The following WIF1 variants were observed in gnomAD, a reference collection of about 807,000 sequenced individuals.
WIF1 encodes Wnt inhibitory factor 1.
Under a neutral mutation model 53.5 loss-of-function variants are expected in WIF1, and 35 were observed. The ratio of observed to expected loss-of-function variants is 0.65; its 90% confidence interval spans 0.50 to 0.87. The LOEUF is 0.87. Among genes scored for constraint, WIF1 ranks in the 40% least tolerant of loss-of-function variants. The pLI is 0.00. For synonymous variants in WIF1, 171 were observed against 170.4 expected (o/e 1.00, Z -0.03); for missense variants, 467 against 476.8 (o/e 0.98, Z 0.19).
chr12:65,056,272 T>G, intron 7 of WIF1, 146 bp from the exon 8 acceptor site: 1 of 637,698 alleles, frequency 1.6e-6, no homozygotes, highest in East Asian at 2.9e-5. Flanking sequence ...TCTGGCTTTT[T>G]TTTTTTGAGT....
chr12:65,082,242 A>G (rs186396150), intron 2 of WIF1, among the ~76,000 whole-genome samples: 1 of 152,300 alleles, frequency 6.6e-6, no homozygotes, highest in East Asian at 1.9e-4. Context: ...TATGCCAAAG[A>G]GAACAGAGAA....
chr12:65,077,715 G>A (rs201712874), intron 3 of WIF1, 31 bp downstream of exon 3: 1 of 1,463,240 alleles, frequency 6.8e-7, no homozygotes, highest in East Asian at 2.3e-5. Flanking sequence ...CATTTTAAGT[G>A]TAAACCTTTC....
chr12:65,063,849 G>A (rs576854913), intron 6 of WIF1, among the ~76,000 whole-genome samples: 24 of 152,056 alleles, frequency 1.6e-4, no homozygotes, highest in Non-Finnish European at 3.1e-4. Context: ...AGATGGCTGG[G>A]AGTAAAGGTG....
At chr12:65,094,901 CTTAT>C (rs71096024) in intron 2 of WIF1, among the ~76,000 whole-genome samples, 29,290 of 133,992 alleles carry the variant, frequency 0.22, 3,294 homozygotes, top group South Asian at 0.3. Flanking sequence ...TCCTCTTCTT[CTTAT>C]TTATTTATTT....
chr12:65,071,274 T>C (rs1164395099), intron 3 of WIF1, among the ~76,000 whole-genome samples: 1 of 144,050 alleles, frequency 6.9e-6, no homozygotes, highest in Non-Finnish European at 1.5e-5. Context: ...GAAAAGTGTG[T>C]GGTTTGCTAA....
intron 2 of WIF1, among the ~76,000 whole-genome samples, chr12:65,079,164 C>CAAAAAAAAAAA (rs1226121849): frequency 1.2e-5 from 1 of 80,110 alleles, no homozygotes; most frequent in Non-Finnish European, 2.2e-5. Flanking sequence ...GACTCCATCT[C>CAAAAAAAAAAA]AAAAAAAAAA....
At chr12:65,077,035 G>A (rs939697425) in intron 3 of WIF1, among the ~76,000 whole-genome samples, 67 of 151,956 alleles carry the variant, frequency 4.4e-4, no homozygotes, top group African/African-American at 1.5e-3. Flanking sequence ...CAGAAATCCC[G>A]GGCTCTAGTC....
intron 2 of WIF1, among the ~76,000 whole-genome samples, chr12:65,086,167 G>T (rs560428277): frequency 4.6e-5 from 7 of 151,680 alleles, no homozygotes; most frequent in East Asian, 1.9e-4. Flanking sequence ...AAAAGGTATT[G>T]GTATAAATAT....
intron 2 of WIF1, among the ~76,000 whole-genome samples, chr12:65,099,400 G>C (rs1883248293): frequency 6.6e-6 from 1 of 152,158 alleles, no homozygotes; most frequent in African/African-American, 2.4e-5. Flanking sequence ...TAAGCCACGT[G>C]ATGCTCCTGC....
intron 2 of WIF1, among the ~76,000 whole-genome samples, chr12:65,103,251 C>T (rs1883307413): frequency 6.6e-6 from 1 of 152,204 alleles, no homozygotes; most frequent in Admixed American, 6.5e-5. Context: ...TCTAAAGTTT[C>T]ACCAATGCAT....
At chr12:65,094,783 C>T (rs1883176063) in intron 2 of WIF1, among the ~76,000 whole-genome samples, 1 of 151,902 alleles carries the variant, frequency 6.6e-6, no homozygotes. Context: ...TGTGTCTTGG[C>T]TTCTTCTTTC....
chr12:65,072,036 CTT>C (rs1311735319), intron 3 of WIF1, among the ~76,000 whole-genome samples: 1 of 152,052 alleles, frequency 6.6e-6, no homozygotes, highest in Non-Finnish European at 1.5e-5. Flanking sequence ...TTTATATAAA[CTT>C]TATCTATAAG....
chr12:65,066,931 G>A (rs563612712), intron 5 of WIF1, among the ~76,000 whole-genome samples, 195 bp from the exon 6 acceptor site: 13 of 152,000 alleles, frequency 8.6e-5, no homozygotes, highest in African/African-American at 2.9e-4. Context: ...CAATTTCTCA[G>A]CCAATTTCTT....
rs575392345 is a variant in WIF1, at chr12:65,055,373, T to A, written c.923-160A>T. ...CTCCAGTCATAAGTTGGTTTTGGACTTTTTGTAAAGTCCTGAGAATGATCT... is the reference window on the plus strand; with the variant it reads ...CTCCAGTCATAAGTTGGTTTTGGACATTTTGTAAAGTCCTGAGAATGATCT... On this transcript the variant is annotated intron_variant, in intron 8 of 9. Transcript: ENST00000286574. Among the ~76,000 whole-genome samples the A allele has an allele frequency of 2.6e-5, 4 of 152,372 alleles. No individual in the cohort carries two copies. In the East Asian group the frequency reaches 7.7e-4, roughly 29 times the overall value.
At chr12:65,095,673 T>G in intron 2 of WIF1, 1 of 151,976 alleles carries the variant, frequency 6.6e-6, no homozygotes. Context: ...AAAGAAAATA[T>G]CAGTGAGCTT....
At chr12:65,101,779 G>A (rs940570615) in intron 2 of WIF1, among the ~76,000 whole-genome samples, 22 of 152,336 alleles carry the variant, frequency 1.4e-4, no homozygotes, top group African/African-American at 4.8e-4. Flanking sequence ...CAGATAGCTG[G>A]TGTGGGAGCT....
At chr12:65,082,247 A>G (rs73129267) in intron 2 of WIF1, among the ~76,000 whole-genome samples, 5,289 of 152,286 alleles carry the variant, frequency 0.035, 120 homozygotes, top group Non-Finnish European at 0.058. Flanking sequence ...CAAAGAGAAC[A>G]GAGAACTAGC....
intron 9 of WIF1, among the ~76,000 whole-genome samples, chr12:65,053,446 C>T (rs776880297): frequency 6.6e-6 from 1 of 152,122 alleles, no homozygotes; most frequent in Non-Finnish European, 1.5e-5. Flanking sequence ...TGCTGTTCTC[C>T]TGATAGTGAG....
At chr12:65,068,273 G>C (rs557158213) in intron 4 of WIF1, among the ~76,000 whole-genome samples, 2 of 152,104 alleles carry the variant, frequency 1.3e-5, no homozygotes, top group East Asian at 3.9e-4. Context: ...GGGAGGTATT[G>C]AGTGAGGCCT....
Sources: gnomAD v4.1 joint callset for allele counts (sites outside exome capture counted in the v4.1 genomes callset) on GRCh38, gnomAD v4.1.1 for gene constraint, MANE v1.5 for transcripts, NCBI Gene and HGNC (gene_info 2026-07-23, HGNC 2026-07-21) for gene names.